Variants in SAG observed in about 807,000 individuals in gnomAD.
The protein encoded by SAG is S-arrestin.
In SAG, 45 loss-of-function variants were observed where a neutral mutation model predicts 55.0. The observed-to-expected ratio is 0.82, with a 90% confidence interval of 0.64 to 1.05. The LOEUF is 1.05. SAG is among the 50% of genes least tolerant of loss of function. SAG has a pLI of 0.00. For synonymous variants in SAG, 189 were observed against 197.4 expected (o/e 0.96, Z 0.36); for missense variants, 455 against 512.1 (o/e 0.89, Z 1.08).
chr2:233,337,697 A>C (rs1399194984), intron 11 of SAG, among the ~76,000 whole-genome samples: 1 of 150,518 alleles, frequency 6.6e-6, no homozygotes, highest in African/African-American at 2.4e-5. Flanking sequence ...CGCCGCCCCA[A>C]CTCTTTTTCC....
intron 2 of SAG, among the ~76,000 whole-genome samples, chr2:233,313,149 C>T (rs374938036): frequency 3.3e-5 from 5 of 152,282 alleles, no homozygotes; most frequent in East Asian, 3.9e-4. Flanking sequence ...CACATGCTCC[C>T]GGGGCACCAA....
chr2:233,313,573 C>T (rs1011613807), intron 2 of SAG, among the ~76,000 whole-genome samples: 11 of 151,808 alleles, frequency 7.2e-5, no homozygotes, highest in African/African-American at 2.7e-4. Flanking sequence ...CTCTTTACCC[C>T]CTTTGTGGGA....
chr2:233,322,965 G>A lies in SAG; in HGVS notation c.395G>A (p.Cys132Tyr). ...CCACAGTTTCCTGACTACTTGCCCT[G>A]TTCAGTGATGTTGCAGCCAGCTCCA... ...FLLTFPDYLP[C>Y]SVMLQPAPQD... The change falls in exon 6 of 16, where the codon TGT becomes TAT. Residue 132 changes from cysteine to tyrosine, a missense_variant. Cys to Tyr is a radical substitution (Grantham distance 194). Transcript: ENST00000409110. 4 of 1,575,162 alleles carry A rather than the reference G, an allele frequency of 2.5e-6. No individual in the cohort carries two copies. In the South Asian group the frequency reaches 3.5e-5, roughly 14 times the overall value.
rs2125336905 is a variant in SAG, at chr2:233,328,580, GC to G, written c.619del (p.Leu207CysfsTer20). On this transcript the variant is annotated frameshift_variant, in exon 8 of 16. Coordinates refer to ENST00000409110, the MANE Select transcript of SAG (RefSeq NM_000541.5). LOFTEE classifies it high-confidence loss of function. ...CCTGGCAGTTCTTCATGTCTGACAAGCCCCTGCACCTTGCGGTCTCTCTCAA... is the reference window on the plus strand; with the variant it reads ...CCTGGCAGTTCTTCATGTCTGACAAGCCCTGCACCTTGCGGTCTCTCTCAA... ...AAWQFFMSDK[P>X]LHLAVSLNKE... is the part of the protein sequence containing the mutation. 6 of 1,613,538 alleles carry G rather than the reference GC, an allele frequency of 3.7e-6. No individual in the cohort carries two copies. The highest frequency in any genetic ancestry group is 5.1e-6 in the Non-Finnish European group (6 of 1,179,612).
At position 233,323,009 on chromosome 2, in the gene SAG, A is replaced by G. The variant is rs1215992634; in HGVS notation, c.435+4A>G. 6 of 1,545,818 alleles carry G rather than the reference A, an allele frequency of 3.9e-6. No individual in the cohort carries two copies. Among genetic ancestry groups the G allele is most frequent in the African/African-American group, 1.4e-5 (1 of 73,484 alleles). On this transcript the variant is annotated splice_donor_region_variant and intron_variant, in intron 6 of 15. Transcript: ENST00000409110. ...AGCTCCACAAGATTCAGGGAAGGTT[A>G]GTTCAAGAAGAAATGCCATGGTTTT...
In SAG at chr2:233,329,554, C is replaced by CCG; in HGVS notation, c.711_712dup (p.Val238AlafsTer2). On this transcript the variant is annotated frameshift_variant, in exon 9 of 16. Coordinates refer to ENST00000409110, the MANE Select transcript of SAG (RefSeq NM_000541.5). LOFTEE classifies it high-confidence loss of function. ...ACTGTCACCAATAACACAGAGAAGA[C>CCG]CGTGAAGAAGATTAAAGCATTCGGT... 2.5e-6 allele frequency: 4 copies of CCG among 1,612,182 alleles called. No homozygotes were observed. Among genetic ancestry groups the CCG allele is most frequent in the Non-Finnish European group, 2.5e-6 (3 of 1,178,328 alleles).
At position 233,329,503 on chromosome 2, in the gene SAG, A is replaced by G. The variant is rs751493901; in HGVS notation, c.659A>G (p.His220Arg). The G allele has an allele frequency of 1.9e-6, 3 of 1,611,738 alleles. No homozygotes were observed. The highest frequency in any genetic ancestry group is 1.1e-5 in the South Asian group (1 of 91,022). The change falls in exon 9 of 16, where the codon CAT becomes CGT. Residue 220 changes from histidine to arginine, a missense_variant. By Grantham distance (29) the His-to-Arg change is conservative. Transcript: ENST00000409110. ...AVSLNKEIYF[H>R]GEPIPVTVTV... is the part of the protein sequence containing the mutation. ...TGCTGACTTTTCTAGATCTATTTCCATGGGGAGCCCATCCCTGTGACCGTG... is the reference window on the plus strand; with the variant it reads ...TGCTGACTTTTCTAGATCTATTTCCGTGGGGAGCCCATCCCTGTGACCGTG...
intron 5 of SAG, among the ~76,000 whole-genome samples, chr2:233,321,262 G>A (rs983348323): frequency 3.3e-5 from 5 of 152,130 alleles, no homozygotes; most frequent in African/African-American, 7.2e-5. Flanking sequence ...ATCTCTCTGG[G>A]GGCCCGTCTG....
chr2:233,331,616 C>T (rs375774183), intron 9 of SAG, 24 bp from the exon 10 acceptor site: 40 of 1,561,390 alleles, frequency 2.6e-5, no homozygotes, highest in Middle Eastern at 1.7e-4. Context: ...TGCTGACCAC[C>T]GGACTCCCGT....
At chr2:233,312,206 GTTC>G (rs1700093748) in intron 2 of SAG, among the ~76,000 whole-genome samples, 1 of 152,242 alleles carries the variant, frequency 6.6e-6, no homozygotes, top group East Asian at 1.9e-4. Flanking sequence ...ATCCTTTCTA[GTTC>G]TTCTTCCCTT....
At chr2:233,320,551 T>C in intron 4 of SAG, 79 bp from the exon 5 acceptor site, 1 of 1,151,320 alleles carries the variant, frequency 8.7e-7, no homozygotes, top group South Asian at 1.5e-5. Context: ...TGAAAACCCG[T>C]GTTCGCTGCC....
chr2:233,346,693 C>G (rs1266130885), intron 15 of SAG, 114 bp from the exon 16 acceptor site: 2 of 813,874 alleles, frequency 2.5e-6, no homozygotes, highest in African/African-American at 3.4e-5. Flanking sequence ...CCCCCATGTT[C>G]TATCATGGGG....
Position 233,335,196 on chromosome 2 carries a change from G to A in SAG, c.944+97G>A, listed in dbSNP as rs531452038. Reference sequence around the variant, plus strand: ...CCCTGCTGGGCTCGCAGGCACGCACGTGCAGCATGGTGGTCTGGCGTGTGT... The same window carrying A: ...CCCTGCTGGGCTCGCAGGCACGCACATGCAGCATGGTGGTCTGGCGTGTGT... On this transcript the variant is annotated intron_variant, in intron 11 of 15. Transcript: ENST00000409110. 101 of 1,441,312 alleles carry A rather than the reference G, an allele frequency of 7.0e-5. No homozygotes were observed. The African/African-American group carries it at 1.2e-3, about 17-fold the overall frequency. 89.3% of individuals were successfully genotyped at this position (1,441,312 alleles called of 1,614,324 possible).
chr2:233,346,659 C>A lies in SAG; in HGVS notation c.1113-148C>A. ...TGGTGCTAGTTAAAGGAATTTTAAA[C>A]GAAGCCTTGAGGAAAATGGCGTGCC... On this transcript the variant is annotated intron_variant, in intron 15 of 15. Transcript: ENST00000409110. The A allele has an allele frequency of 4.0e-6, 3 of 745,434 alleles. No individual in the cohort carries two copies. The South Asian group carries it at 4.7e-5, about 12-fold the overall frequency. The allele number at this position is 745,434 out of a possible 1,614,324, so 46.2% of individuals were successfully genotyped here. A position where few individuals can be genotyped will look rare whatever the true frequency, so the allele number is the denominator to read the frequency against.
intron 4 of SAG, chr2:233,320,164 C>A: frequency 5.0e-6 from 1 of 198,612 alleles, no homozygotes; most frequent in Non-Finnish European, 9.1e-6. Context: ...AGCCTTCAGG[C>A]TCCTCACTCA....
In SAG at chr2:233,325,546, C is replaced by T. The variant is rs57845501; in HGVS notation, c.436-1575C>T. ...GTCCAGGACAATGGGGTGGGGTGTG[C>T]GCAGCCAAGATGGGGGAAGATGAGG... On this transcript the variant is annotated intron_variant, in intron 6 of 15. Coordinates refer to ENST00000409110, the MANE Select transcript of SAG (RefSeq NM_000541.5). 4.9e-3 allele frequency among the ~76,000 whole-genome samples: 738 copies of T among 151,648 alleles called. 4 individuals carry two copies. Among genetic ancestry groups the T allele is most frequent in the African/African-American group, 0.017 (701 of 41,274 alleles).
intron 11 of SAG, among the ~76,000 whole-genome samples, chr2:233,336,112 A>T (rs995333933): frequency 1.3e-5 from 2 of 152,240 alleles, no homozygotes; most frequent in Non-Finnish European, 2.9e-5. Context: ...AATATCAGGG[A>T]AACTGAGAGC....
chr2:233,328,944 C>T, intron 8 of SAG: 1 of 292,434 alleles, frequency 3.4e-6, no homozygotes, highest in East Asian at 6.9e-5. Flanking sequence ...ACTCATGGAG[C>T]ATCAATAGCT....
chr2:233,328,614 G>GGACGCGGGCGGGGGA lies in SAG; in HGVS notation c.648+1_648+2insGACGCGGGCGGGGGA. 1.9e-6 allele frequency: 3 copies of GGACGCGGGCGGGGGA among 1,608,370 alleles called. No homozygotes were observed. The highest frequency in any genetic ancestry group is 1.7e-6 in the Non-Finnish European group (2 of 1,176,038). On this transcript the variant is annotated splice_donor_variant, in intron 8 of 15. Transcript: ENST00000409110. LOFTEE classifies it high-confidence loss of function. ...CCTTGCGGTCTCTCTCAACAAAGAG[G>GGACGCGGGCGGGGGA]TAACCACCTACCATCGCTACTACCC...
Sources: gnomAD v4.1 joint callset for allele counts (sites outside exome capture counted in the v4.1 genomes callset) on GRCh38, gnomAD v4.1.1 for gene constraint, MANE v1.5 for transcripts, NCBI Gene and HGNC (gene_info 2026-07-23, HGNC 2026-07-21) for gene names.